Variants in DEFB110 observed in about 807,000 individuals in gnomAD.
DEFB110 encodes beta-defensin 110.
Under a neutral mutation model 2.5 loss-of-function variants are expected in DEFB110, and 4 were observed. That is an observed-to-expected ratio of 1.60 (90% CI 0.79 to 3.66). The LOEUF (loss-of-function observed/expected upper bound fraction) is 3.66. Ranked by LOEUF, DEFB110 falls within the 30% of genes most tolerant of loss-of-function variation. The pLI is 0.01. For missense variants in DEFB110, 94 were observed against 75.4 expected, an observed-to-expected ratio of 1.25 and a Z score of -0.91; for synonymous variants, 29 against 21.8, an observed-to-expected ratio of 1.33 and a Z score of -0.92.
At chr6:50,015,093 G>T (rs1561991157), downstream of DEFB110, among the ~76,000 whole-genome samples, 2 of 151,512 alleles carry the variant, frequency 1.3e-5, no homozygotes, top group Admixed American at 6.6e-5. Flanking sequence ...CTTTCCAATT[G>T]CTCAGACAAG....
intron 1 of DEFB110, 88 bp downstream of exon 1, chr6:50,021,793 C>T (rs1340860372): frequency 4.0e-5 from 49 of 1,240,112 alleles, no homozygotes; most frequent in Non-Finnish European, 5.0e-5. Flanking sequence ...GTTTTAATCC[C>T]TATGTTATTA....
Position 50,019,021 on chromosome 6 carries a change from C to G in DEFB110, c.160G>C (p.Ala54Pro). 2 of 1,613,114 alleles carry G rather than the reference C, an allele frequency of 1.2e-6. No homozygotes were observed. Among genetic ancestry groups the G allele is most frequent in the Non-Finnish European group, 1.7e-6 (2 of 1,179,390 alleles). ...TGAGTTCCAGGTCTTATGCAGTAAG[C>G]AATCCTAATTTCATTTTCATGACAC... ...NQCHENEIRIAYCIRPGTHCC... is the reference protein window; with the variant it reads ...NQCHENEIRIPYCIRPGTHCC... The change falls in exon 2 of 2, where the codon GCT (alanine) becomes CCT (proline). Residue 54 changes from alanine to proline, a missense_variant. By Grantham distance (27) the Ala-to-Pro change is conservative (BLOSUM62 -1). Transcript: ENST00000371148.
downstream of DEFB110, among the ~76,000 whole-genome samples, chr6:50,016,543 G>A (rs186657166): frequency 1.3e-5 from 2 of 151,790 alleles, no homozygotes; most frequent in East Asian, 3.9e-4. Flanking sequence ...CCATTTTTAA[G>A]CATTTTTTTG....
In DEFB110 at chr6:50,021,969, ACCT is replaced by A. The variant is rs1774426362; in HGVS notation, c.-37_-35del. ...GTTTCTTAAAAAAAGGGGGCAACAG[ACCT>A]CCTTTTTCAAGTCAGTTGTTTTGAA... On this transcript the variant is annotated 5_prime_UTR_variant, in exon 1 of 2. Transcript: ENST00000371148. 1 of 1,503,476 alleles carries A rather than the reference ACCT, an allele frequency of 6.7e-7. No individual in the cohort carries two copies. Among genetic ancestry groups the A allele is most frequent in the African/African-American group, 1.5e-5 (1 of 68,946 alleles). 93.1% of individuals were successfully genotyped at this position (1,503,476 alleles called of 1,614,324 possible).
downstream of DEFB110, among the ~76,000 whole-genome samples, chr6:50,017,935 C>A (rs1157551519): frequency 6.6e-6 from 1 of 151,486 alleles, no homozygotes; most frequent in East Asian, 1.9e-4. Context: ...AGTTAATTTC[C>A]CAAAATATTG....
At chr6:50,017,444 G>A (rs2113941015), downstream of DEFB110, among the ~76,000 whole-genome samples, 1 of 151,812 alleles carries the variant, frequency 6.6e-6, no homozygotes, top group African/African-American at 2.4e-5. Context: ...AGGATATTTG[G>A]CAATATAGGT....
At chr6:50,015,907 T>G (rs1009932940), downstream of DEFB110, among the ~76,000 whole-genome samples, 2 of 151,858 alleles carry the variant, frequency 1.3e-5, no homozygotes, top group Admixed American at 6.6e-5. Flanking sequence ...TGGAAGAATA[T>G]TCCATGCTTT....
intron 1 of DEFB110, 152 bp from the exon 2 acceptor site, chr6:50,019,277 C>T: frequency 1.3e-6 from 1 of 768,190 alleles, no homozygotes; most frequent in Non-Finnish European, 2.0e-6. Flanking sequence ...TCCCTTGGTA[C>T]AAGCTACATT....
chr6:50,011,464 C>T (rs1425662007), intron 1 of DEFB110, among the ~76,000 whole-genome samples: 1 of 151,922 alleles, frequency 6.6e-6, no homozygotes, highest in Non-Finnish European at 1.5e-5. Context: ...GAATATATTC[C>T]AGAAGGTTTC....
rs1207705571 is a variant in DEFB110, at chr6:50,021,954, A to T, written c.-19T>A. 1.3e-6 allele frequency: 2 copies of T among 1,536,332 alleles called. No individual in the cohort carries two copies. Among genetic ancestry groups the T allele is most frequent in the African/African-American group, 1.4e-5 (1 of 69,836 alleles). On this transcript the variant is annotated 5_prime_UTR_variant, in exon 1 of 2. Transcript: ENST00000371148. ...TCTTCATGGTAGAGAGTTTCTTAAA[A>T]AAAGGGGGCAACAGACCTCCTTTTT...
At chr6:50,010,621 G>GTA (rs973006032) in intron 1 of DEFB110, among the ~76,000 whole-genome samples, 8 of 148,966 alleles carry the variant, frequency 5.4e-5, no homozygotes, top group African/African-American at 1.2e-4. Flanking sequence ...TATTTTTGAT[G>GTA]TATATATATA....
intron 1 of DEFB110, among the ~76,000 whole-genome samples, chr6:50,013,187 G>A (rs893858999): frequency 1.6e-4 from 24 of 151,824 alleles, no homozygotes; most frequent in African/African-American, 5.8e-4. Flanking sequence ...GGGAGTAGGA[G>A]AGCAAGTAGC....
chr6:50,010,230 T>G (rs1034429405), intron 1 of DEFB110, among the ~76,000 whole-genome samples: 7 of 151,988 alleles, frequency 4.6e-5, no homozygotes, highest in Non-Finnish European at 8.8e-5. Context: ...GGCAAAATAA[T>G]TTTGTTAAAA....
At chr6:50,019,156 C>A (rs190018493) in intron 1 of DEFB110, 31 bp from the exon 2 acceptor site, 17 of 1,604,056 alleles carry the variant, frequency 1.1e-5, no homozygotes, top group South Asian at 8.9e-5. Flanking sequence ...CTAAAATTAG[C>A]CATCTAGCTA....
At chr6:50,012,270 C>T (rs966859116) in intron 1 of DEFB110, among the ~76,000 whole-genome samples, 17 of 151,824 alleles carry the variant, frequency 1.1e-4, no homozygotes, top group African/African-American at 2.2e-4. Context: ...ACAAAATTCT[C>T]GTCTTAAAGT....
At chr6:50,021,846 G>A in intron 1 of DEFB110, 35 bp downstream of exon 1, 1 of 1,525,820 alleles carries the variant, frequency 6.6e-7, no homozygotes, top group Non-Finnish European at 8.8e-7. Context: ...TCTCAAATTT[G>A]TTAGTATAAA....
Position 50,009,162 on chromosome 6 carries a change from T to C in DEFB110, c.165A>G (p.Lys55=), listed in dbSNP as rs369396492. The stretch of plus-strand genomic sequence containing the variant: ...TTTATACGCAGCACTGACTTCTCCA[T>C]TTAATGCAGTATCCATAATCATACT... Residue 55 remains lysine, a synonymous_variant, in exon 2 of 2, where the codon AAA becomes AAG. Coordinates refer to the DEFB110 transcript ENST00000393660. 2.9e-5 allele frequency: 46 copies of C among 1,611,004 alleles called. No homozygotes were observed. The African/African-American group carries it at 5.7e-4, about 20-fold the overall frequency.
intron 1 of DEFB110, among the ~76,000 whole-genome samples, chr6:50,012,392 C>T (rs181706109): frequency 5.9e-5 from 9 of 151,828 alleles, no homozygotes; most frequent in Non-Finnish European, 8.8e-5. Context: ...AAAAAAAGAG[C>T]GAGTGAATGC....
At position 50,021,866 on chromosome 6, in the gene DEFB110, A is replaced by C; in HGVS notation, c.55+15T>G. The C allele has an allele frequency of 6.4e-7, 1 of 1,556,810 alleles. No individual in the cohort carries two copies. Among genetic ancestry groups the C allele is most frequent in the Non-Finnish European group, 8.6e-7 (1 of 1,160,400 alleles). ...AATTTGTTAGTATAAATCCCCACAA[A>C]TATTTGCATATTACCTGGTAAAATT... On this transcript the variant is annotated intron_variant, in intron 1 of 1. Coordinates refer to ENST00000371148, the MANE Select transcript of DEFB110 (RefSeq NM_001037497.2).
Sources: allele counts gnomAD v4.1 joint callset (sites outside exome capture counted in the v4.1 genomes callset), GRCh38; gene constraint gnomAD v4.1.1; transcripts MANE v1.5; gene names NCBI Gene and HGNC (gene_info 2026-07-23, HGNC 2026-07-21).